Variants in NEK10 observed in about 807,000 individuals in gnomAD.
The protein encoded by NEK10 is serine/threonine-protein kinase Nek10.
A neutral mutation model predicts 159.8 loss-of-function variants in NEK10; 122 were observed. The ratio of observed to expected loss-of-function variants is 0.76; its 90% CI spans 0.66 to 0.89. The LOEUF is 0.89. Among genes scored for constraint, NEK10 ranks in the 40% least tolerant of loss-of-function variants. NEK10 has a pLI of 0.00. For missense variants in NEK10, 1,342 were observed against 1,323.1 expected, an observed-to-expected ratio of 1.01 and a Z score of -0.22; for synonymous variants, 466 against 457.1, an observed-to-expected ratio of 1.02 and a Z score of -0.25.
intron 3 of NEK10, among the ~76,000 whole-genome samples, chr3:27,351,654 A>C (rs1010352382): frequency 5.9e-5 from 9 of 152,104 alleles, no homozygotes; most frequent in Non-Finnish European, 1.2e-4. Context: ...GGTAAATGTG[A>C]TTGATATAAC....
chr3:27,186,036 GA>G (rs2148945321), intron 26 of NEK10, among the ~76,000 whole-genome samples: 1 of 152,298 alleles, frequency 6.6e-6, no homozygotes, highest in Non-Finnish European at 1.5e-5. Flanking sequence ...GTGATATGAG[GA>G]GACAGAACAT....
At chr3:27,282,731 T>C (rs1018346181) in intron 22 of NEK10, among the ~76,000 whole-genome samples, 1 of 146,730 alleles carries the variant, frequency 6.8e-6, no homozygotes, top group Non-Finnish European at 1.5e-5. Context: ...CTGTGTTATA[T>C]ATATACATAA....
intron 22 of NEK10, among the ~76,000 whole-genome samples, chr3:27,283,394 C>G (rs2042344454): frequency 6.6e-6 from 1 of 152,032 alleles, no homozygotes; most frequent in Admixed American, 6.5e-5. Flanking sequence ...TGTTTTATTT[C>G]TGTAGATTTT....
At chr3:27,201,816 A>G (rs1950069027) in intron 24 of NEK10, among the ~76,000 whole-genome samples, 2 of 152,200 alleles carry the variant, frequency 1.3e-5, no homozygotes, top group African/African-American at 4.8e-5. Context: ...AAAATGGTGT[A>G]TGGGATAATA....
At chr3:27,324,954 C>T (rs566343951) in intron 5 of NEK10, among the ~76,000 whole-genome samples, 7 of 152,178 alleles carry the variant, frequency 4.6e-5, no homozygotes, top group Non-Finnish European at 8.8e-5. Context: ...TAAGGTGCTT[C>T]CCATGAAAGC....
At chr3:27,259,089 A>G (rs2040161198) in intron 22 of NEK10, among the ~76,000 whole-genome samples, 1 of 150,096 alleles carries the variant, frequency 6.7e-6, no homozygotes, top group African/African-American at 2.5e-5. Context: ...TGTAAATTTG[A>G]GGGAGTTCAC....
chr3:27,367,250 C>G (rs1015947708), intron 1 of NEK10, among the ~76,000 whole-genome samples: 2 of 152,204 alleles, frequency 1.3e-5, no homozygotes, highest in African/African-American at 2.4e-5. Flanking sequence ...AAGAATCTGA[C>G]TAGAGGCTAA....
chr3:27,284,885 T>A lies in NEK10; in HGVS notation c.1866A>T (p.Lys622Asn). Residue 622 changes from lysine to asparagine, a missense_variant, in exon 21 of 36, where the codon AAA (lysine) becomes AAT (asparagine). Transcript: ENST00000691995. ...GTCTTTCTTCAGTAAAATGGTGATGTTTTTCCTTCAAAGAACTGAAATGCT... is the reference window on the plus strand; with the variant it reads ...GTCTTTCTTCAGTAAAATGGTGATGATTTTCCTTCAAAGAACTGAAATGCT... ...LGEHFSSLKEKHHHFTEERLW... is the reference protein window; with the variant it reads ...LGEHFSSLKENHHHFTEERLW... 1 of 1,594,786 alleles carries A rather than the reference T, an allele frequency of 6.3e-7. No homozygotes were observed. The highest frequency in any genetic ancestry group is 8.6e-7 in the Non-Finnish European group (1 of 1,162,518).
chr3:27,346,170 G>A lies in NEK10; in HGVS notation c.179C>T (p.Ser60Phe), dbSNP rs372439090. 1.0e-4 allele frequency: 168 copies of A among 1,613,574 alleles called. No homozygotes were observed. Among genetic ancestry groups the A allele is most frequent in the Non-Finnish European group, 1.3e-4 (158 of 1,179,668 alleles). ...TCCACCCGCCCTGATGGCGGGCTCA[G>A]ACTTCGTCATGCTATTTTGGGCACT... ...FDSAQNSMTK[S>F]EPAIRAGGHR... The change falls in exon 4 of 36, where the codon TCT becomes TTT. Residue 60 changes from serine to phenylalanine, a missense_variant. Coordinates refer to ENST00000691995, the MANE Select transcript of NEK10 (RefSeq NM_001394966.1).
chr3:27,345,966 G>A, intron 4 of NEK10, 120 bp downstream of exon 4: 1 of 537,912 alleles, frequency 1.9e-6, no homozygotes, highest in Non-Finnish European at 2.8e-6. Context: ...ATTAAATTAA[G>A]AATCGCTATG....
chr3:27,109,897 T>C lies in NEK10; in HGVS notation c.*1375A>G, dbSNP rs1939349613. On this transcript the variant is annotated 3_prime_UTR_variant, in exon 36 of 36. Coordinates refer to ENST00000691995, the MANE Select transcript of NEK10 (RefSeq NM_001394966.1). ...GATCCATTGACAATCTTCAAAAGCA[T>C]TAGTGCATGATTAAAGGGAATTTGG... Among the ~76,000 whole-genome samples, 2 of 152,186 alleles carry C rather than the reference T, an allele frequency of 1.3e-5. No homozygotes were observed. Among genetic ancestry groups the C allele is most frequent in the African/African-American group, 2.4e-5 (1 of 41,438 alleles).
intron 8 of NEK10, chr3:27,311,398 T>C (rs2149594069): frequency 6.2e-6 from 1 of 161,554 alleles, no homozygotes; most frequent in African/African-American, 2.4e-5. Context: ...AACCTGCACG[T>C]TTCCTCAGCT....
At chr3:27,318,831 G>C (rs1176080591) in intron 6 of NEK10, among the ~76,000 whole-genome samples, 1 of 152,138 alleles carries the variant, frequency 6.6e-6, no homozygotes, top group Non-Finnish European at 1.5e-5. Context: ...AAAGTTTGAG[G>C]CTGTAGATAT....
Position 27,111,056 on chromosome 3 carries a change from G to GTA in NEK10, c.*214_*215dup, listed in dbSNP as rs1939465222. On this transcript the variant is annotated 3_prime_UTR_variant, in exon 36 of 36. Transcript: ENST00000691995. ...AGCACACTGGTAGCTCTGACATCCT[G>GTA]TATATAATGTGTTCTGGCAATGAAG... 1 of 392,432 alleles carries GTA rather than the reference G, an allele frequency of 2.5e-6. No individual in the cohort carries two copies. The allele number at this position is 392,432 out of a possible 1,614,324, so 24.3% of individuals were successfully genotyped here.
At chr3:27,174,198 T>C (rs527419594) in intron 28 of NEK10, among the ~76,000 whole-genome samples, 2 of 152,338 alleles carry the variant, frequency 1.3e-5, no homozygotes, top group South Asian at 4.1e-4. Flanking sequence ...AGTTAGAACC[T>C]GCAATTGCTG....
chr3:27,263,192 G>A (rs181508988), intron 22 of NEK10, among the ~76,000 whole-genome samples: 76 of 152,256 alleles, frequency 5.0e-4, no homozygotes, highest in African/African-American at 1.7e-3. Flanking sequence ...TGTCTCAGAG[G>A]AGTACACGGC....
intron 29 of NEK10, among the ~76,000 whole-genome samples, chr3:27,167,987 G>T (rs552856498): frequency 1.3e-5 from 2 of 152,116 alleles, no homozygotes; most frequent in Non-Finnish European, 2.9e-5. Flanking sequence ...TAGTTTTTCC[G>T]CAAGCAATTG....
At chr3:27,267,253 A>G (rs977941758) in intron 22 of NEK10, among the ~76,000 whole-genome samples, 9 of 152,178 alleles carry the variant, frequency 5.9e-5, no homozygotes, top group Non-Finnish European at 1.3e-4. Flanking sequence ...CAAAGTCTGG[A>G]TCTCAGCCCT....
At chr3:27,332,729 G>A (rs965800843) in intron 5 of NEK10, among the ~76,000 whole-genome samples, 2 of 152,060 alleles carry the variant, frequency 1.3e-5, no homozygotes, top group African/African-American at 4.8e-5. Flanking sequence ...TTTTATAAGA[G>A]GTCAATTAAT....
Sources: gnomAD v4.1 joint callset for allele counts (sites outside exome capture counted in the v4.1 genomes callset) on GRCh38, gnomAD v4.1.1 for gene constraint, MANE v1.5 for transcripts, NCBI Gene and HGNC (gene_info 2026-07-23, HGNC 2026-07-21) for gene names.